Variants in ANKRD11 observed in about 807,000 individuals in gnomAD.
The protein encoded by ANKRD11 is ankyrin repeat domain-containing protein 11.
ANKRD11 carries 17 observed loss-of-function variants against 195.7 expected under a neutral mutation model. That is an observed-to-expected ratio of 0.09 (90% CI 0.06 to 0.13). The LOEUF (loss-of-function observed/expected upper bound fraction) is 0.13, where lower values mean the gene tolerates loss of function less well. ANKRD11 is among the 10% of genes least tolerant of loss of function. ANKRD11 has a pLI of 1.00. For missense variants in ANKRD11, 3,735 were observed against 3,566.1 expected (o/e 1.05, Z -1.21); for synonymous variants, 1,953 against 1,528.1 (o/e 1.28, Z -6.49).
intron 4 of ANKRD11, among the ~76,000 whole-genome samples, chr16:89,295,652 T>C (rs1366826393): frequency 6.6e-6 from 1 of 151,940 alleles, no homozygotes; most frequent in Non-Finnish European, 1.5e-5. Context: ...CATCCAGCCA[T>C]GGCCTTTCTG....
intron 2 of ANKRD11, among the ~76,000 whole-genome samples, chr16:89,397,967 C>T (rs1041348104): frequency 1.1e-4 from 17 of 152,354 alleles, no homozygotes; most frequent in Middle Eastern, 3.4e-3. Flanking sequence ...TGAATCGGTG[C>T]AATATTCACC....
intron 1 of ANKRD11, among the ~76,000 whole-genome samples, chr16:89,455,777 G>A (rs933353498): frequency 1.3e-5 from 2 of 152,116 alleles, no homozygotes; most frequent in Non-Finnish European, 2.9e-5. Context: ...TGACCTATCT[G>A]GTAGGAATGT....
rs750764062 is a variant in ANKRD11 at position 89,280,032 on chromosome 16, G to A, written c.6510C>T (p.Ala2170=). 83 of 1,612,808 alleles carry A rather than the reference G, an allele frequency of 5.1e-5. 1 individual carries two copies. In the South Asian group the frequency reaches 7.1e-4, roughly 14 times the overall value. Residue 2170 remains alanine, a synonymous_variant, in exon 9 of 13, where the codon GCC becomes GCT. Transcript: ENST00000301030. ...LAPPEEMPPG[A]PGVINGGDVS... ...CATCCCCACCGTTTATGACCCCGGGGGCCCCTGGAGGCATCTCTTCTGGAG... is the reference window on the plus strand; with the variant it reads ...CATCCCCACCGTTTATGACCCCGGGAGCCCCTGGAGGCATCTCTTCTGGAG...
chr16:89,433,005 C>G (rs1374953179), intron 1 of ANKRD11, among the ~76,000 whole-genome samples: 1 of 151,626 alleles, frequency 6.6e-6, no homozygotes, highest in East Asian at 1.9e-4. Flanking sequence ...CTCTCACACA[C>G]ACACACACAC....
At chr16:89,341,307 CG>C (rs1229280464) in intron 2 of ANKRD11, among the ~76,000 whole-genome samples, 1 of 152,036 alleles carries the variant, frequency 6.6e-6, no homozygotes, top group Non-Finnish European at 1.5e-5. Flanking sequence ...CAGGATTTTT[CG>C]TTTTAAATTA....
chr16:89,407,668 T>TACAC lies in ANKRD11; in HGVS notation c.-60+10612_-60+10615dup, dbSNP rs112958844. ...AGACGCCGTCTCTATCAAACACACA[T>TACAC]ACACACACACACACACATAGACACA... On this transcript the variant is annotated intron_variant, in intron 2 of 12. Transcript: ENST00000301030. 5.5e-3 allele frequency among the ~76,000 whole-genome samples: 826 copies of TACAC among 150,798 alleles called. 6 individuals are homozygous for TACAC. The highest frequency in any genetic ancestry group is 0.019 in the African/African-American group (793 of 41,142).
At chr16:89,271,970 G>A (rs1248863204) in intron 11 of ANKRD11, 1 of 152,100 alleles carries the variant, frequency 6.6e-6, no homozygotes, top group Non-Finnish European at 1.5e-5. Flanking sequence ...CACAGAATGG[G>A]AGGAAACGCC....
chr16:89,324,295 C>T, intron 2 of ANKRD11: 2 of 1,262,716 alleles, frequency 1.6e-6, no homozygotes, highest in Non-Finnish European at 2.1e-6. Context: ...GGAACACGGA[C>T]CACCCGACAG....
rs1396838908 is a variant in ANKRD11 at position 89,280,569 on chromosome 16, T to G, written c.5973A>C (p.Pro1991=). ...GGGGGTCCGCGGGGCAGAAACGCTT[T>G]GGGGACTCGGGGAATCTCTGTGGAG... ...LKSPQRFPES[P]KRFCPADPLH... Residue 1991 remains proline (P), a synonymous_variant, in exon 9 of 13, where the codon CCA becomes CCC. Transcript: ENST00000301030. The G allele has an allele frequency of 1.9e-6, 3 of 1,612,930 alleles. No individual in the cohort carries two copies. The highest frequency in any genetic ancestry group is 1.7e-6 in the Non-Finnish European group (2 of 1,179,864).
Position 89,280,824 on chromosome 16 carries a change from G to C in ANKRD11, c.5718C>G (p.Ala1906=). Residue 1906 remains alanine (A), a synonymous_variant, in exon 9 of 13, where the codon GCC becomes GCG. Coordinates refer to ENST00000301030, the MANE Select transcript of ANKRD11 (RefSeq NM_013275.6). ...AELLVPSLEG[A]LPPDLDTSED... is the part of the protein sequence containing the mutation. ...CGGAGGTGTCCAGGTCCGGGGGAAG[G>C]GCCCCTTCGAGGGAAGGAACCAGCA... 1 of 1,602,094 alleles carries C rather than the reference G, an allele frequency of 6.2e-7. No homozygotes were observed. The highest frequency in any genetic ancestry group is 1.1e-5 in the South Asian group (1 of 90,642).
chr16:89,415,829 C>CAAAA (rs71134220), intron 2 of ANKRD11, among the ~76,000 whole-genome samples: 1,053 of 39,690 alleles, frequency 0.027, 97 homozygotes, highest in African/African-American at 0.084. Context: ...GACTCTGTCT[C>CAAAA]AAAAAAAAAA....
At chr16:89,487,865 T>C (rs1336338315) in intron 1 of ANKRD11, among the ~76,000 whole-genome samples, 2 of 152,208 alleles carry the variant, frequency 1.3e-5, no homozygotes, top group Non-Finnish European at 2.9e-5. Context: ...ACTCTATTTG[T>C]AGGGAGTTCT....
chr16:89,433,486 C>T (rs1261146720), intron 1 of ANKRD11, among the ~76,000 whole-genome samples: 1 of 152,200 alleles, frequency 6.6e-6, no homozygotes, highest in African/African-American at 2.4e-5. Flanking sequence ...AGAGACACGG[C>T]GTTGGCCACC....
At position 89,321,518 on chromosome 16, in the gene ANKRD11, G is replaced by C. The variant is rs1402536208; in HGVS notation, c.-59-4440C>G. Among the ~76,000 whole-genome samples, 3 of 152,060 alleles carry C rather than the reference G, an allele frequency of 2.0e-5. No individual in the cohort carries two copies. The East Asian group carries it at 5.8e-4, about 29-fold the overall frequency. Reference sequence around the variant, plus strand: ...CAGCTGCGGGGCAGGGGCTGCCCAGGAGCACTCCTTGCCAGAGGCCTTGGC... The same window carrying C: ...CAGCTGCGGGGCAGGGGCTGCCCAGCAGCACTCCTTGCCAGAGGCCTTGGC... On this transcript the variant is annotated intron_variant, in intron 2 of 12. Transcript: ENST00000301030.
In ANKRD11 at chr16:89,344,583, GATA is replaced by G. The variant is rs145447517; in HGVS notation, c.-59-27508_-59-27506del. Reference sequence around the variant, plus strand: ...CTGAACGCTGCCTCAGCGTCTGAGGGATAAGCCCACAATGCAAGCGTCCGGGAG... The same window carrying G: ...CTGAACGCTGCCTCAGCGTCTGAGGGAGCCCACAATGCAAGCGTCCGGGAG... On this transcript the variant is annotated intron_variant, in intron 2 of 12. Transcript: ENST00000301030. 4.2e-3 allele frequency among the ~76,000 whole-genome samples: 633 copies of G among 152,340 alleles called. 4 individuals are homozygous for G. Among genetic ancestry groups the G allele is most frequent in the African/African-American group, 0.014 (597 of 41,580 alleles).
chr16:89,287,935 CTGA>C (rs1204880671), intron 7 of ANKRD11: 1 of 433,830 alleles, frequency 2.3e-6, no homozygotes, highest in African/African-American at 2.0e-5. Flanking sequence ...CCACGGAGCT[CTGA>C]TGAAGACATC....
intron 1 of ANKRD11, among the ~76,000 whole-genome samples, chr16:89,450,450 C>T (rs1048751170): frequency 6.6e-6 from 1 of 152,174 alleles, no homozygotes; most frequent in Non-Finnish European, 1.5e-5. Flanking sequence ...CTCCCTCCGA[C>T]GGTGTACAAG....
chr16:89,464,298 G>A (rs1344865382), intron 1 of ANKRD11, among the ~76,000 whole-genome samples: 1 of 151,610 alleles, frequency 6.6e-6, no homozygotes, highest in Non-Finnish European at 1.5e-5. Context: ...ATTTCTTAAA[G>A]TAACAAACAT....
intron 2 of ANKRD11, among the ~76,000 whole-genome samples, chr16:89,391,227 C>CAAA (rs35753411): frequency 1.0e-5 from 1 of 95,338 alleles, no homozygotes; most frequent in Admixed American, 1.1e-4. Context: ...GACTCTGTCT[C>CAAA]AAAAAAAAAA....
Sources: allele counts gnomAD v4.1 joint callset (sites outside exome capture counted in the v4.1 genomes callset), GRCh38; gene constraint gnomAD v4.1.1; transcripts MANE v1.5; gene names NCBI Gene and HGNC (gene_info 2026-07-23, HGNC 2026-07-21).